The following NHSL3 variants were observed in gnomAD, a reference collection of about 807,000 sequenced individuals.
NHSL3 encodes the protein NHS-like protein 3.
At chr1:32,753,880 C>A in the NHSL3 span, 15 of 197,446 alleles carry the variant, frequency 7.6e-5, 1 homozygote, top group African/African-American at 3.5e-4. Flanking sequence ...GGGGCGGAGC[C>A]GACGGGATGC....
chr1:32,773,186 G>C, the NHSL3 span: 18 of 506,266 alleles, frequency 3.6e-5, no homozygotes, highest in Non-Finnish European at 6.1e-5. Flanking sequence ...GCCCCCTGCT[G>C]GCCCTGAGGC....
the NHSL3 span, chr1:32,771,225 A>T: frequency 3.7e-6 from 6 of 1,600,150 alleles, no homozygotes; most frequent in African/African-American, 8.5e-5. Context: ...GCCCTAACCC[A>T]GCTGCCCCTG....
chr1:32,771,714 T>TAGTTCCGCCCCAGGGCATGTGGCCA, the NHSL3 span: 1 of 1,613,172 alleles, frequency 6.2e-7, no homozygotes, highest in South Asian at 1.1e-5. Flanking sequence ...CAGCTCCTGC[T>TAGTTCCGCCCCAGGGCATGTGGCCA]AGTTCCGCCC....
At chr1:32,756,054 C>T in the NHSL3 span, among the ~76,000 whole-genome samples, 4 of 152,286 alleles carry the variant, frequency 2.6e-5, no homozygotes, top group Admixed American at 2.0e-4. Flanking sequence ...GGGCTTCCAG[C>T]AACACTTGTG....
At chr1:32,759,941 G>GT in the NHSL3 span, among the ~76,000 whole-genome samples, 1 of 152,340 alleles carries the variant, frequency 6.6e-6, no homozygotes, top group South Asian at 2.1e-4. Flanking sequence ...AAGAGAAAGT[G>GT]TTTTGAGAAC....
At chr1:32,770,266 A>G in the NHSL3 span, 2 of 1,604,230 alleles carry the variant, frequency 1.2e-6, no homozygotes, top group Non-Finnish European at 8.5e-7. This position sits in a 1 kb window ranked among gnomAD's most constrained non-coding sequence, Gnocchi z 8.3. Flanking sequence ...GCTGCCGCCT[A>G]CAGTGGACGT....
the NHSL3 span, chr1:32,772,974 C>A: frequency 7.6e-7 from 1 of 1,307,284 alleles, no homozygotes; most frequent in Non-Finnish European, 1.1e-6. Flanking sequence ...GAGGATACAG[C>A]AGACACAACC....
the NHSL3 span, among the ~76,000 whole-genome samples, chr1:32,765,408 C>G: frequency 6.6e-6 from 1 of 152,234 alleles, no homozygotes; most frequent in African/African-American, 2.4e-5. Flanking sequence ...CAGCTGGGAC[C>G]CCTGCCTTAA....
the NHSL3 span, chr1:32,770,202 C>T: frequency 1.2e-6 from 2 of 1,604,820 alleles, no homozygotes; most frequent in African/African-American, 1.3e-5. This position sits in a 1 kb window ranked among gnomAD's most constrained non-coding sequence, Gnocchi z 8.3. Flanking sequence ...TGAGCCCGGC[C>T]ATGTCCATCT....
At chr1:32,769,639 C>T in the NHSL3 span, 2 of 1,528,216 alleles carry the variant, frequency 1.3e-6, no homozygotes, top group African/African-American at 1.4e-5. Context: ...GAGTCCTTTG[C>T]TCTAACAGTT....
the NHSL3 span, among the ~76,000 whole-genome samples, chr1:32,766,594 A>AGC: frequency 2.0e-5 from 3 of 152,202 alleles, no homozygotes; most frequent in East Asian, 5.8e-4. Context: ...CTAGGGCAGG[A>AGC]GCTCTGGCTG....
At chr1:32,753,183 G>C in the NHSL3 span, among the ~76,000 whole-genome samples, 1 of 150,954 alleles carries the variant, frequency 6.6e-6, no homozygotes, top group African/African-American at 2.4e-5. Context: ...TGGCCAGGCT[G>C]GTTAAAAAAA....
chr1:32,763,192 C>G, the NHSL3 span, among the ~76,000 whole-genome samples: 1 of 151,844 alleles, frequency 6.6e-6, no homozygotes, highest in African/African-American at 2.4e-5. Flanking sequence ...CCATGTTGGT[C>G]AGGCTGGTCT....
chr1:32,754,448 C>T, the NHSL3 span, among the ~76,000 whole-genome samples: 2 of 150,414 alleles, frequency 1.3e-5, no homozygotes, highest in Non-Finnish European at 3.0e-5. Context: ...ATCACATACA[C>T]CATCACACCC....
chr1:32,771,228 T>C, the NHSL3 span: 1 of 1,610,980 alleles, frequency 6.2e-7, no homozygotes, highest in Non-Finnish European at 8.5e-7. Context: ...CTAACCCAGC[T>C]GCCCCTGCTC....
At chr1:32,769,115 C>T in the NHSL3 span, among the ~76,000 whole-genome samples, 2 of 151,976 alleles carry the variant, frequency 1.3e-5, no homozygotes, top group Non-Finnish European at 2.9e-5. Flanking sequence ...TTAGCCTTGC[C>T]TGATGGCGGG....
the NHSL3 span, among the ~76,000 whole-genome samples, chr1:32,745,208 GT>G: frequency 6.6e-6 from 1 of 151,830 alleles, no homozygotes; most frequent in Non-Finnish European, 1.5e-5. Flanking sequence ...GTGTTTATAA[GT>G]TTAGTCACCT....
chr1:32,761,259 G>C, the NHSL3 span, among the ~76,000 whole-genome samples: 1 of 152,110 alleles, frequency 6.6e-6, no homozygotes, highest in South Asian at 2.1e-4. Context: ...ACCCCTCCCA[G>C]TCACCTGAGA....
the NHSL3 span, among the ~76,000 whole-genome samples, chr1:32,761,492 A>G: frequency 8.5e-5 from 13 of 152,072 alleles, no homozygotes; most frequent in East Asian, 3.9e-4. Context: ...CTCCACCCCC[A>G]TCTTGGCAGG....
Sources: allele counts gnomAD v4.1 joint callset (sites outside exome capture counted in the v4.1 genomes callset), GRCh38; gene constraint gnomAD v4.1.1; non-coding constraint Gnocchi (gnomAD v3.1); transcripts MANE v1.5; gene names NCBI Gene and HGNC (gene_info 2026-07-23, HGNC 2026-07-21).